AHCTF1: variants seen among roughly 807,000 people sequenced by gnomAD.
The protein encoded by AHCTF1 is AT-hook containing transcription factor 1, also known as protein ELYS.
Under a neutral mutation model 248.4 loss-of-function variants are expected in AHCTF1, and 24 were observed. That is an observed-to-expected ratio of 0.10 (90% CI 0.07 to 0.14). AHCTF1 has a LOEUF of 0.14. Among genes scored for constraint, AHCTF1 ranks in the 10% least tolerant of loss-of-function variants. The probability of loss-of-function intolerance (pLI) is 1.00; values close to 1 mark genes in which losing one functional copy is unlikely to be tolerated. For missense variants in AHCTF1, 2,206 were observed against 2,636.2 expected, an observed-to-expected ratio of 0.84 and a Z score of 3.57; for synonymous variants, 786 against 929.8, an observed-to-expected ratio of 0.85 and a Z score of 2.81.
chr1:246,887,191 CTG>C lies in AHCTF1; in HGVS notation c.2472+18_2472+19del, dbSNP rs771156832. The C allele has an allele frequency of 1.9e-6, 3 of 1,581,800 alleles. No homozygotes were observed. The South Asian group carries it at 3.5e-5, about 19-fold the overall frequency. On this transcript the variant is annotated intron_variant, in intron 20 of 35. Transcript: ENST00000648844. Reference sequence around the variant, plus strand: ...TTCTAGTAATTCATGAAAGTTTATGCTGTAAGTGAATAGACTTACCTCATAGT... The same window carrying C: ...TTCTAGTAATTCATGAAAGTTTATGCTAAGTGAATAGACTTACCTCATAGT...
At chr1:246,841,459 A>G (rs1659857426) in intron 35 of AHCTF1, among the ~76,000 whole-genome samples, 1 of 152,216 alleles carries the variant, frequency 6.6e-6, no homozygotes, top group South Asian at 2.1e-4. Context: ...ATATGTAAAC[A>G]GTGGTATTAG....
chr1:246,903,660 C>CCG (rs917858751), intron 7 of AHCTF1, among the ~76,000 whole-genome samples: 1 of 117,202 alleles, frequency 8.5e-6, no homozygotes, highest in African/African-American at 3.4e-5. Flanking sequence ...AGACCCCCCC[C>CCG]CCTCCGTCTC....
chr1:246,867,897 C>A lies in AHCTF1; in HGVS notation c.3089-86G>T, dbSNP rs529975930. 6.5e-4 allele frequency: 368 copies of A among 568,894 alleles called. 19 individuals carry two copies. Among genetic ancestry groups the A allele is most frequent in the Non-Finnish European group, 7.2e-5 (28 of 387,568 alleles). 35.2% of individuals were successfully genotyped at this position (568,894 alleles called of 1,614,324 possible). A position where few individuals can be genotyped will look rare whatever the true frequency, so the allele number is the denominator to read the frequency against. On this transcript the variant is annotated intron_variant, in intron 24 of 35. Coordinates refer to ENST00000648844, the MANE Select transcript of AHCTF1 (RefSeq NM_001323342.2). ...CATATGAAAGAATGATTACACCCCC[C>A]CCCCCACACACACACACACACACAT... is the stretch of plus-strand genomic sequence containing the variant.
At chr1:246,919,972 C>T (rs987616731) in intron 1 of AHCTF1, among the ~76,000 whole-genome samples, 2 of 151,192 alleles carry the variant, frequency 1.3e-5, no homozygotes, top group Non-Finnish European at 1.5e-5. Context: ...AAACCTGTCT[C>T]TACTAAAAAT....
intron 1 of AHCTF1, chr1:246,931,217 A>G: frequency 6.5e-7 from 1 of 1,550,254 alleles, no homozygotes; most frequent in Non-Finnish European, 8.7e-7. Flanking sequence ...AGGCCCGCCA[A>G]CGAGTCCATC....
chr1:246,859,004 A>G (rs1661319853), intron 29 of AHCTF1, among the ~76,000 whole-genome samples: 1 of 152,144 alleles, frequency 6.6e-6, no homozygotes, highest in East Asian at 1.9e-4. Context: ...AGGCAAGAGA[A>G]GAGGTTGCAG....
intron 31 of AHCTF1, 126 bp downstream of exon 31, chr1:246,855,604 G>A: frequency 2.9e-6 from 2 of 699,000 alleles, no homozygotes. Flanking sequence ...AAGCTGACCA[G>A]AGAGAGGAAT....
At chr1:246,927,199 T>G (rs976421252) in intron 1 of AHCTF1, among the ~76,000 whole-genome samples, 8 of 145,930 alleles carry the variant, frequency 5.5e-5, no homozygotes, top group African/African-American at 1.8e-4. Context: ...AAGAAAGAAA[T>G]AGGCCAGGCA....
At chr1:246,908,481 G>A (rs578190718) in intron 4 of AHCTF1, among the ~76,000 whole-genome samples, 2 of 152,146 alleles carry the variant, frequency 1.3e-5, no homozygotes, top group African/African-American at 4.8e-5. Context: ...CTGTTCTGTA[G>A]ACATTGTGTT....
At chr1:246,849,082 C>G (rs1466151758) in intron 33 of AHCTF1, among the ~76,000 whole-genome samples, 3 of 152,164 alleles carry the variant, frequency 2.0e-5, no homozygotes, top group African/African-American at 7.2e-5. Flanking sequence ...AAGCTCTGAC[C>G]TACACCAACC....
intron 21 of AHCTF1, among the ~76,000 whole-genome samples, chr1:246,884,059 C>T (rs990478901): frequency 6.6e-6 from 1 of 152,044 alleles, no homozygotes; most frequent in Non-Finnish European, 1.5e-5. Flanking sequence ...GTGAGAGGTA[C>T]ATGCAAATGA....
At chr1:246,860,818 C>CTTA in intron 29 of AHCTF1, 81 bp downstream of exon 29, 1 of 1,528,238 alleles carries the variant, frequency 6.5e-7, no homozygotes. Context: ...GGATGCTTTT[C>CTTA]TTATGGTGGA....
intron 33 of AHCTF1, among the ~76,000 whole-genome samples, chr1:246,846,725 TATATAC>T (rs201346302): frequency 1.1e-4 from 16 of 151,814 alleles, no homozygotes; most frequent in African/African-American, 2.4e-4. Context: ...TTTTGAAATA[TATATAC>T]ATATACATAT....
intron 29 of AHCTF1, among the ~76,000 whole-genome samples, chr1:246,858,780 C>T (rs1410328835): frequency 7.0e-6 from 1 of 141,872 alleles, no homozygotes; most frequent in Non-Finnish European, 1.5e-5. Context: ...GCCTGGGCAA[C>T]AAGAGCGAAA....
chr1:246,869,517 C>T (rs190699404), intron 24 of AHCTF1, among the ~76,000 whole-genome samples: 111 of 152,278 alleles, frequency 7.3e-4, no homozygotes, highest in Admixed American at 3.0e-3. Context: ...GACAGGGTGA[C>T]TCTGCTGTTA....
At chr1:246,904,211 ATATT>A (rs1665223785) in intron 6 of AHCTF1, among the ~76,000 whole-genome samples, 178 bp from the exon 7 acceptor site, 1 of 152,218 alleles carries the variant, frequency 6.6e-6, no homozygotes, top group Non-Finnish European at 1.5e-5. Flanking sequence ...ATAATAATTG[ATATT>A]TATTATTGAT....
chr1:246,906,023 A>C (rs755738258), intron 5 of AHCTF1, among the ~76,000 whole-genome samples: 3 of 152,226 alleles, frequency 2.0e-5, no homozygotes, highest in Non-Finnish European at 4.4e-5. Flanking sequence ...CCTAAGAGTC[A>C]TATTTGATGT....
At chr1:246,900,729 G>C (rs556872080) in intron 8 of AHCTF1, among the ~76,000 whole-genome samples, 1 of 152,258 alleles carries the variant, frequency 6.6e-6, no homozygotes, top group South Asian at 2.1e-4. Context: ...GTTAATACTT[G>C]AGCAACGTTG....
At chr1:246,865,576 G>A (rs1218322243) in intron 26 of AHCTF1, among the ~76,000 whole-genome samples, 1 of 152,080 alleles carries the variant, frequency 6.6e-6, no homozygotes. Flanking sequence ...AAAACAGTTT[G>A]CTCACTTTTA....
Sources: allele counts gnomAD v4.1 joint callset (sites outside exome capture counted in the v4.1 genomes callset), GRCh38; gene constraint gnomAD v4.1.1; transcripts MANE v1.5; gene names NCBI Gene and HGNC (gene_info 2026-07-23, HGNC 2026-07-21).